The following NKD1 variants were observed in gnomAD, a reference collection of about 807,000 sequenced individuals.
The protein encoded by NKD1 is NKD inhibitor of Wnt signaling pathway 1.
A neutral mutation model predicts 56.0 loss-of-function variants in NKD1; 21 were observed. The ratio of observed to expected loss-of-function variants is 0.38; its 90% CI spans 0.27 to 0.54. The LOEUF (loss-of-function observed/expected upper bound fraction) is 0.54, where lower values mean the gene tolerates loss of function less well. Among genes scored for constraint, NKD1 ranks in the 20% least tolerant of loss-of-function variants. The probability of loss-of-function intolerance (pLI) is 0.82; values close to 1 mark genes in which losing one functional copy is unlikely to be tolerated. For missense variants in NKD1, 578 were observed against 642.7 expected, an observed-to-expected ratio of 0.90 and a Z score of 1.09; for synonymous variants, 263 against 265.7, an observed-to-expected ratio of 0.99 and a Z score of 0.10.
chr16:50,617,945 G>A (rs771377339), intron 4 of NKD1, among the ~76,000 whole-genome samples: 1 of 152,188 alleles, frequency 6.6e-6, no homozygotes, highest in Non-Finnish European at 1.5e-5. Context: ...TTTAGACTTT[G>A]TGGGCTCTGT....
intron 3 of NKD1, among the ~76,000 whole-genome samples, chr16:50,573,226 G>A (rs951660944): frequency 8.5e-5 from 13 of 152,164 alleles, no homozygotes; most frequent in African/African-American, 2.9e-4. Flanking sequence ...GCTGGAACCC[G>A]TACCTCTACC....
intron 4 of NKD1, among the ~76,000 whole-genome samples, chr16:50,618,647 G>T (rs1962016676): frequency 6.6e-6 from 1 of 152,228 alleles, no homozygotes; most frequent in Non-Finnish European, 1.5e-5. Flanking sequence ...CTTCTTTGGT[G>T]GGGATAGAGA....
At chr16:50,610,887 T>C (rs1372853263) in intron 4 of NKD1, among the ~76,000 whole-genome samples, 1 of 152,032 alleles carries the variant, frequency 6.6e-6, no homozygotes, top group East Asian at 1.9e-4. Flanking sequence ...ACATCAAAAG[T>C]CTCAAGCTCT....
intron 4 of NKD1, among the ~76,000 whole-genome samples, chr16:50,620,844 G>T (rs781642564): frequency 1.3e-5 from 2 of 152,196 alleles, no homozygotes; most frequent in Non-Finnish European, 2.9e-5. Context: ...TTTCCTGGCA[G>T]GCCACACACA....
At position 50,634,109 on chromosome 16, in the gene NKD1, T is replaced by A. The variant is rs918062034; in HGVS notation, c.*328T>A. Reference sequence around the variant, plus strand: ...ACCCTTCCCAGAGCCAGGGAGCCCTTAGCCTCAACTCTGCCCCACCCCAGC... The same window carrying A: ...ACCCTTCCCAGAGCCAGGGAGCCCTAAGCCTCAACTCTGCCCCACCCCAGC... On this transcript the variant is annotated 3_prime_UTR_variant, in exon 10 of 10. Coordinates refer to ENST00000268459, the MANE Select transcript of NKD1 (RefSeq NM_033119.5). 5.5e-5 allele frequency: 12 copies of A among 219,396 alleles called. No individual in the cohort carries two copies. Among genetic ancestry groups the A allele is most frequent in the African/African-American group, 2.7e-4 (12 of 44,018 alleles). 13.6% of individuals were successfully genotyped at this position (219,396 alleles called of 1,614,324 possible).
Position 50,646,211 on chromosome 16 carries a change from G to A in NKD1, c.*12430G>A, listed in dbSNP as rs541154867. 3 of 152,224 alleles carry A rather than the reference G, an allele frequency of 2.0e-5. No homozygotes were observed. The highest frequency in any genetic ancestry group is 7.2e-5 in the African/African-American group (3 of 41,496). 9.4% of individuals were successfully genotyped at this position (152,224 alleles called of 1,614,324 possible). A position where few individuals can be genotyped will look rare whatever the true frequency, so the allele number is the denominator to read the frequency against. On this transcript the variant is annotated 3_prime_UTR_variant, in exon 10 of 10. Coordinates refer to ENST00000268459, the MANE Select transcript of NKD1 (RefSeq NM_033119.5). ...CCAATGATAATGTACATCTGTTTCA[G>A]GGAATTTATAAGCTTTGAACATTTT...
At chr16:50,555,549 CTGTGGGG>C (rs1267922011) in intron 3 of NKD1, 7 of 152,624 alleles carry the variant, frequency 4.6e-5, no homozygotes, top group African/African-American at 1.4e-4. Flanking sequence ...TGCGGAGGAC[CTGTGGGG>C]TGAGGTTGCT....
chr16:50,584,937 G>C (rs1266828961), intron 3 of NKD1, among the ~76,000 whole-genome samples: 1 of 152,222 alleles, frequency 6.6e-6, no homozygotes, highest in Non-Finnish European at 1.5e-5. Context: ...CCCAGACTGA[G>C]GTCCGAGATG....
At chr16:50,609,010 A>G (rs898159380) in intron 4 of NKD1, among the ~76,000 whole-genome samples, 1 of 152,230 alleles carries the variant, frequency 6.6e-6, no homozygotes, top group African/African-American at 2.4e-5. Context: ...TTTTCTGTAG[A>G]GATGGGGTCT....
rs5816707 is a variant in NKD1, at chr16:50,598,229, C to CTGTGTGTGTGTGTGTGTGTGTG, written c.193-10052_193-10031dup. ...CACTGCAGGGCCGCATGGGTGGACT[C>CTGTGTGTGTGTGTGTGTGTGTG]TGTGTGTGTGTGTGTGTGTGTGTGT... On this transcript the variant is annotated intron_variant, in intron 3 of 9. Transcript: ENST00000268459. This position sits in a 1 kb window ranked among gnomAD's most constrained non-coding sequence, Gnocchi z 4.2. Among the ~76,000 whole-genome samples the CTGTGTGTGTGTGTGTGTGTGTG allele has an allele frequency of 2.1e-5, 3 of 143,864 alleles. No homozygotes were observed. The highest frequency in any genetic ancestry group is 6.8e-5 in the Admixed American group (1 of 14,662). 94.4% of individuals were successfully genotyped at this position (143,864 alleles called of 152,430 possible).
intron 4 of NKD1, among the ~76,000 whole-genome samples, chr16:50,616,585 C>T (rs910951115): frequency 3.9e-5 from 6 of 152,158 alleles, no homozygotes; most frequent in African/African-American, 7.2e-5. Flanking sequence ...GCCCTGTGCA[C>T]GTATGGGAAG....
chr16:50,591,895 G>A (rs1961375129), intron 3 of NKD1, among the ~76,000 whole-genome samples: 1 of 152,248 alleles, frequency 6.6e-6, no homozygotes, highest in Non-Finnish European at 1.5e-5. Flanking sequence ...AATAGGTGGG[G>A]TGGCTGCCCG....
In NKD1 at chr16:50,636,839, A is replaced by G. The variant is rs944053330; in HGVS notation, c.*3058A>G. On this transcript the variant is annotated 3_prime_UTR_variant, in exon 10 of 10. Transcript: ENST00000268459. Reference sequence around the variant, plus strand: ...CCACCCAGAATTTACAAATGCTGACATTTTGCAATATTTATTTCGGATCTA... The same window carrying G: ...CCACCCAGAATTTACAAATGCTGACGTTTTGCAATATTTATTTCGGATCTA... 1 of 152,128 alleles carries G rather than the reference A, an allele frequency of 6.6e-6. No individual in the cohort carries two copies. Among genetic ancestry groups the G allele is most frequent in the African/African-American group, 2.4e-5 (1 of 41,412 alleles). The allele number at this position is 152,128 out of a possible 1,614,324, so 9.4% of individuals were successfully genotyped here.
At chr16:50,575,446 AT>A in intron 3 of NKD1, 2 of 672,546 alleles carry the variant, frequency 3.0e-6, no homozygotes, top group Non-Finnish European at 3.7e-6. Context: ...GGGAGAAGGG[AT>A]TTGAAGAGCC....
rs1376720990 is a variant in NKD1 at position 50,623,039 on chromosome 16, G to A, written c.366+1331G>A. Reference sequence around the variant, plus strand: ...CTCTGAGCATAGGGGTAGGAGTTGGGAGAGGGGTGCACAGGGGAGCCTTTG... The same window carrying A: ...CTCTGAGCATAGGGGTAGGAGTTGGAAGAGGGGTGCACAGGGGAGCCTTTG... On this transcript the variant is annotated intron_variant, in intron 5 of 9. Transcript: ENST00000268459. This position sits in a 1 kb window ranked among gnomAD's most constrained non-coding sequence, Gnocchi z 4.1. Among the ~76,000 whole-genome samples the A allele has an allele frequency of 6.6e-6, 1 of 152,092 alleles. No homozygotes were observed. Among genetic ancestry groups the A allele is most frequent in the Non-Finnish European group, 1.5e-5 (1 of 67,998 alleles).
Position 50,549,536 on chromosome 16 carries a change from C to T in NKD1, c.173C>T (p.Thr58Ile). Residue 58 changes from threonine (T) to isoleucine (I), a missense_variant, in exon 3 of 10, where the codon ACC (threonine) becomes ATC (isoleucine). Thr to Ile is a moderately conservative substitution (Grantham distance 89). Transcript: ENST00000268459. ...CCCCGACAGCTGCGGTTGGCGGGCACCATAGGCCGAAGCACCCGGGTATGA... is the reference window on the plus strand; with the variant it reads ...CCCCGACAGCTGCGGTTGGCGGGCATCATAGGCCGAAGCACCCGGGTATGA... Reference protein sequence around the residue: ...SGPRQLRLAGTIGRSTRELVG... With the variant: ...SGPRQLRLAGIIGRSTRELVG... 2 of 1,600,916 alleles carry T rather than the reference C, an allele frequency of 1.2e-6. No homozygotes were observed. Among genetic ancestry groups the T allele is most frequent in the Middle Eastern group, 1.7e-4 (1 of 6,006 alleles).
chr16:50,598,262 T>TGTGTGTGTGTGTGC lies in NKD1; in HGVS notation c.193-10031_193-10030insTGTGTGTGTGTGCG, dbSNP rs138964473. Among the ~76,000 whole-genome samples, 33 of 148,664 alleles carry TGTGTGTGTGTGTGC rather than the reference T, an allele frequency of 2.2e-4. No individual in the cohort carries two copies. Among genetic ancestry groups the TGTGTGTGTGTGTGC allele is most frequent in the African/African-American group, 8.2e-4 (32 of 39,156 alleles). On this transcript the variant is annotated intron_variant, in intron 3 of 9. Coordinates refer to ENST00000268459, the MANE Select transcript of NKD1 (RefSeq NM_033119.5). The surrounding 1 kb of genome is among the most constrained non-coding windows in gnomAD (Gnocchi z 4.2). Reference sequence around the variant, plus strand: ...GTGTGTGTGTGTGTGTGTGTGTGTGTGCGCGCACACCTGTGCTCATGGACA... The same window carrying TGTGTGTGTGTGTGC: ...GTGTGTGTGTGTGTGTGTGTGTGTGTGTGTGTGTGTGTGCGCGCGCACACCTGTGCTCATGGACA...
chr16:50,551,591 G>C (rs951402815), intron 3 of NKD1, among the ~76,000 whole-genome samples: 1 of 152,214 alleles, frequency 6.6e-6, no homozygotes, highest in African/African-American at 2.4e-5. Context: ...GGCCCAGCCA[G>C]TGTGTCTGCA....
intron 3 of NKD1, among the ~76,000 whole-genome samples, chr16:50,555,195 G>A (rs897775231): frequency 1.3e-5 from 2 of 152,168 alleles, no homozygotes; most frequent in Non-Finnish European, 1.5e-5. Context: ...GCCCTGGTAG[G>A]ATGGGGTTGG....
Sources: gnomAD v4.1 joint callset for allele counts (sites outside exome capture counted in the v4.1 genomes callset) on GRCh38, gnomAD v4.1.1 for gene constraint, Gnocchi (gnomAD v3.1) non-coding constraint, MANE v1.5 for transcripts, NCBI Gene and HGNC (gene_info 2026-07-23, HGNC 2026-07-21) for gene names.